WDFY4: variants seen among roughly 807,000 people sequenced by gnomAD.
WDFY4 encodes the protein WDFY family member 4.
Under a neutral mutation model 351.9 loss-of-function variants are expected in WDFY4, and 169 were observed. That is an observed-to-expected ratio of 0.48 (90% CI 0.42 to 0.55). The LOEUF is 0.55. Ranked by LOEUF, WDFY4 falls within the 20% of genes least tolerant of loss-of-function variation. The pLI is 0.00. For missense variants in WDFY4, 3,803 were observed against 3,935.6 expected (o/e 0.97, Z 0.90); for synonymous variants, 1,622 against 1,574.6 (o/e 1.03, Z -0.71).
chr10:48,958,808 G>A (rs1841726472), intron 52 of WDFY4, among the ~76,000 whole-genome samples: 1 of 152,186 alleles, frequency 6.6e-6, no homozygotes, highest in African/African-American at 2.4e-5. Context: ...CAAGACCTGA[G>A]TTTCTCTGGT....
chr10:48,787,634 G>A (rs963634947), intron 20 of WDFY4, among the ~76,000 whole-genome samples: 4 of 152,100 alleles, frequency 2.6e-5, no homozygotes, highest in African/African-American at 9.7e-5. Flanking sequence ...TTCAAGTCAG[G>A]TTTCTTGTCA....
At chr10:48,931,061 AG>A (rs1483358652) in intron 47 of WDFY4, among the ~76,000 whole-genome samples, 1 of 150,326 alleles carries the variant, frequency 6.7e-6, no homozygotes, top group Non-Finnish European at 1.5e-5. Flanking sequence ...CAGAAAAAAA[AG>A]GTACAAACAC....
At chr10:48,814,173 C>T in intron 31 of WDFY4, 91 bp downstream of exon 31, 1 of 1,406,228 alleles carries the variant, frequency 7.1e-7, no homozygotes, top group Non-Finnish European at 9.4e-7. Context: ...TTAGCATCTT[C>T]CCACTAATGC....
At chr10:48,697,082 C>T (rs369154966) in intron 1 of WDFY4, among the ~76,000 whole-genome samples, 14 of 152,102 alleles carry the variant, frequency 9.2e-5, no homozygotes, top group South Asian at 2.1e-4. Flanking sequence ...TGCTTACCAG[C>T]GAGTCAAGGC....
intron 44 of WDFY4, 72 bp from the exon 45 acceptor site, chr10:48,897,379 GGAA>G (rs1400294258): frequency 1.7e-5 from 26 of 1,515,224 alleles, no homozygotes; most frequent in Admixed American, 8.0e-5. Flanking sequence ...GTGGAGGGCA[GGAA>G]GAAGAAGAAG....
intron 47 of WDFY4, among the ~76,000 whole-genome samples, chr10:48,923,418 G>A (rs1839272619): frequency 6.7e-6 from 1 of 149,926 alleles, no homozygotes; most frequent in East Asian, 2.0e-4. Context: ...CCCCATGGTA[G>A]ATTTGCCAGA....
chr10:48,794,336 C>T (rs1360099989), intron 23 of WDFY4, among the ~76,000 whole-genome samples: 3 of 151,950 alleles, frequency 2.0e-5, no homozygotes, highest in East Asian at 1.9e-4. Context: ...GGGCAGGTGG[C>T]GCTGGAAAGG....
chr10:48,934,828 C>T (rs1840252485), intron 47 of WDFY4, among the ~76,000 whole-genome samples: 1 of 152,162 alleles, frequency 6.6e-6, no homozygotes, highest in Non-Finnish European at 1.5e-5. Context: ...GCAGCAAAAA[C>T]ACTCACAGAG....
intron 13 of WDFY4, among the ~76,000 whole-genome samples, chr10:48,773,397 A>G (rs895474102): frequency 2.6e-5 from 4 of 152,212 alleles, no homozygotes; most frequent in African/African-American, 2.4e-5. Flanking sequence ...GAGAATGTGG[A>G]CAGTCCTAAG....
Position 48,796,325 on chromosome 10 carries a change from G to T in WDFY4, c.4285G>T (p.Ala1429Ser), listed in dbSNP as rs1186686450. Residue 1429 changes from alanine (A) to serine (S), a missense_variant, in exon 24 of 62, where the codon GCC (alanine) becomes TCC (serine). Ala to Ser is a moderately conservative substitution (Grantham distance 99). This residue lies in a region of WDFY4 where 3,054 missense variants were observed against 3,148.6 expected (regional missense o/e 0.97). Transcript: ENST00000325239. ...AATGGCGTTTCTCCTGAGGAAGAAG[G>T]CCTCTCTCCTGAACCATCGAATTTT... ...QIMAFLLRKK[A>S]SLLNHRIFQL... The T allele has an allele frequency of 1.3e-6, 2 of 1,552,076 alleles. No individual in the cohort carries two copies. Among genetic ancestry groups the T allele is most frequent in the Admixed American group, 2.0e-5 (1 of 50,966 alleles).
chr10:48,754,587 AAT>A (rs2065277656), intron 12 of WDFY4, among the ~76,000 whole-genome samples: 1 of 151,360 alleles, frequency 6.6e-6, no homozygotes, highest in African/African-American at 2.4e-5. Context: ...GTTATATATT[AAT>A]ATGTTATATT....
chr10:48,946,786 C>T lies in WDFY4; in HGVS notation c.7868-74C>T, dbSNP rs878916697. 4.6e-6 allele frequency: 5 copies of T among 1,085,530 alleles called. No homozygotes were observed. In the South Asian group the frequency reaches 5.5e-5, roughly 12 times the overall value. The allele number at this position is 1,085,530 out of a possible 1,614,324, so 67.2% of individuals were successfully genotyped here. On this transcript the variant is annotated intron_variant, in intron 50 of 61. Transcript: ENST00000325239. ...ATGTTTTTAATGCCGTTCATGAACA[C>T]AGTGTAGCACACATATCTGCCACGT...
intron 2 of WDFY4, among the ~76,000 whole-genome samples, chr10:48,712,344 T>A (rs943802585): frequency 2.6e-5 from 4 of 152,220 alleles, no homozygotes; most frequent in African/African-American, 9.7e-5. Context: ...TCCACCAGCC[T>A]CCAGTGTACT....
intron 40 of WDFY4, among the ~76,000 whole-genome samples, chr10:48,872,025 T>G (rs932621998): frequency 6.6e-6 from 1 of 152,314 alleles, no homozygotes; most frequent in East Asian, 1.9e-4. Flanking sequence ...ATTTGACTGA[T>G]GAGGAAGTTG....
intron 5 of WDFY4, among the ~76,000 whole-genome samples, chr10:48,724,396 C>G (rs1433978094): frequency 6.6e-6 from 1 of 152,126 alleles, no homozygotes; most frequent in African/African-American, 2.4e-5. Flanking sequence ...GAGGGTAGTG[C>G]ATGAGTTCTG....
chr10:48,727,989 G>A (rs2064326025), intron 7 of WDFY4, among the ~76,000 whole-genome samples: 1 of 152,194 alleles, frequency 6.6e-6, no homozygotes, highest in African/African-American at 2.4e-5. Context: ...TGGAGGGCTG[G>A]AAAGGTCTGG....
intron 40 of WDFY4, among the ~76,000 whole-genome samples, chr10:48,868,379 G>A (rs1014768441): frequency 6.6e-6 from 1 of 152,188 alleles, no homozygotes; most frequent in African/African-American, 2.4e-5. Flanking sequence ...AGAGGGATCA[G>A]CAGGCATGTC....
chr10:48,857,104 C>G (rs1319608769), intron 39 of WDFY4, among the ~76,000 whole-genome samples: 1 of 152,078 alleles, frequency 6.6e-6, no homozygotes, highest in Non-Finnish European at 1.5e-5. Context: ...GTCATTTGTT[C>G]AGATAAAAAT....
chr10:48,897,665 G>A, intron 45 of WDFY4, 91 bp downstream of exon 45: 1 of 1,490,904 alleles, frequency 6.7e-7, no homozygotes, highest in East Asian at 2.5e-5. Context: ...ACACACCTCT[G>A]TGACTCTTCT....
Sources: allele counts gnomAD v4.1 joint callset (sites outside exome capture counted in the v4.1 genomes callset), GRCh38; gene constraint gnomAD v4.1.1; regional missense constraint gnomAD v4.1.1; transcripts MANE v1.5; gene names NCBI Gene and HGNC (gene_info 2026-07-23, HGNC 2026-07-21).